The following PKHD1 variants were observed in gnomAD, a reference collection of about 807,000 sequenced individuals.
PKHD1 encodes PKHD1 ciliary IPT domain containing fibrocystin/polyductin.
A neutral mutation model predicts 412.0 loss-of-function variants in PKHD1; 291 were observed. The ratio of observed to expected loss-of-function variants is 0.71; its 90% CI spans 0.64 to 0.78. PKHD1 has a LOEUF of 0.78. PKHD1 is among the 30% of genes least tolerant of loss of function. The pLI is 0.00. For missense variants in PKHD1, 4,825 were observed against 4,950.7 expected (o/e 0.97, Z 0.76); for synonymous variants, 1,777 against 1,821.5 (o/e 0.98, Z 0.62).
At chr6:51,686,940 C>G (rs1777521332) in intron 60 of PKHD1, among the ~76,000 whole-genome samples, 1 of 152,146 alleles carries the variant, frequency 6.6e-6, no homozygotes, top group African/African-American at 2.4e-5. Context: ...TTTCATATGT[C>G]TTTCAGAGGC....
At chr6:52,064,069 G>A (rs1240327163) in intron 13 of PKHD1, among the ~76,000 whole-genome samples, 2 of 152,222 alleles carry the variant, frequency 1.3e-5, no homozygotes, top group Non-Finnish European at 2.9e-5. Context: ...CTGGGAGCTG[G>A]AGAATTCTCA....
chr6:51,837,447 C>T (rs1278708417), intron 50 of PKHD1, among the ~76,000 whole-genome samples: 2 of 152,196 alleles, frequency 1.3e-5, no homozygotes, highest in African/African-American at 4.8e-5. Context: ...TGGCTCATGC[C>T]TGTAATCCCA....
At position 52,043,646 on chromosome 6, in the gene PKHD1, G is replaced by C. The variant is rs1805292033; in HGVS notation, c.2800C>G (p.His934Asp). Residue 934 changes from histidine (H) to aspartate (D), a missense_variant, in exon 26 of 67, where the codon CAT becomes GAT. Physicochemically the swap from His to Asp is moderately conservative, Grantham distance 81 (BLOSUM62 -1). Transcript: ENST00000371117. ...QYLQGSTPCVHSVWYSIDGDI... is the reference protein window; with the variant it reads ...QYLQGSTPCVDSVWYSIDGDI... ...ATACCAATGGAGTACCACACAGAAT[G>C]GACACAGGGAGTTGACCCTTGGAGG... 2 of 1,611,352 alleles carry C rather than the reference G, an allele frequency of 1.2e-6. No individual in the cohort carries two copies. Among genetic ancestry groups the C allele is most frequent in the Non-Finnish European group, 1.7e-6 (2 of 1,177,644 alleles).
chr6:51,912,379 T>C lies in PKHD1; in HGVS notation c.6319A>G (p.Lys2107Glu). The change falls in exon 38 of 67, where the codon AAG (lysine) becomes GAG (glutamate). Residue 2107 changes from lysine (K) to glutamate (E), a missense_variant. Lys to Glu is a moderately conservative substitution (Grantham distance 56). Transcript: ENST00000371117. ...GACACTCAGTACCTCAAAGGTGACT[T>C]AAGATAGAGGTCTGTATCCTGCACA... ...ETVQDTDLYLKSPLRYSHNFT... is the reference protein window; with the variant it reads ...ETVQDTDLYLESPLRYSHNFT... 1 of 1,609,830 alleles carries C rather than the reference T, an allele frequency of 6.2e-7. No homozygotes were observed. The highest frequency in any genetic ancestry group is 8.5e-7 in the Non-Finnish European group (1 of 1,176,298).
At chr6:51,672,939 T>C (rs746410154) in intron 60 of PKHD1, among the ~76,000 whole-genome samples, 1 of 152,196 alleles carries the variant, frequency 6.6e-6, no homozygotes, top group Non-Finnish European at 1.5e-5. Flanking sequence ...CAGTGAGTAG[T>C]AAGGTACTGT....
Position 52,025,194 on chromosome 6 carries a change from T to G in PKHD1, c.4616A>C (p.Gln1539Pro). 1.2e-6 allele frequency: 2 copies of G among 1,614,204 alleles called. No individual in the cohort carries two copies. Among genetic ancestry groups the G allele is most frequent in the Non-Finnish European group, 1.7e-6 (2 of 1,180,036 alleles). The change falls in exon 32 of 67, where the codon CAG becomes CCG. Residue 1539 changes from glutamine to proline, a missense_variant. Transcript: ENST00000371117. ...GGGTCCTGGGGCCAAGTCTCTTGTC[T>G]GGCACACAACGTGGCTTGCATTAAA... ...TFFNASHVVC[Q>P]TRDLAPGPHY...
At chr6:51,700,578 C>T (rs1201504487) in intron 60 of PKHD1, among the ~76,000 whole-genome samples, 1 of 152,086 alleles carries the variant, frequency 6.6e-6, no homozygotes, top group Non-Finnish European at 1.5e-5. Flanking sequence ...AATCTCTCCC[C>T]AGCTCAGACT....
In PKHD1 at chr6:51,747,849, G is replaced by T; in HGVS notation, c.9767C>A (p.Pro3256His). ...PVFTSEPNQW[P>H]QEPWHKVRND... Reference sequence around the variant, plus strand: ...CCTCACTTTGTGCCATGGCTCCTGAGGCCACTGATTTGGTTCTGAGGTGAA... The same window carrying T: ...CCTCACTTTGTGCCATGGCTCCTGATGCCACTGATTTGGTTCTGAGGTGAA... The change falls in exon 58 of 67, where the codon CCT (proline) becomes CAT (histidine). Residue 3256 changes from proline to histidine, a missense_variant. Transcript: ENST00000371117. 6.2e-7 allele frequency: 1 copy of T among 1,613,758 alleles called. No homozygotes were observed. Among genetic ancestry groups the T allele is most frequent in the Non-Finnish European group, 8.5e-7 (1 of 1,179,784 alleles).
At chr6:52,076,826 G>T (rs1811393358) in intron 5 of PKHD1, among the ~76,000 whole-genome samples, 2 of 152,164 alleles carry the variant, frequency 1.3e-5, no homozygotes, top group African/African-American at 4.8e-5. Flanking sequence ...GTATCAGTAA[G>T]CTACAAAAAA....
chr6:51,817,904 G>C (rs1414348875), intron 52 of PKHD1, among the ~76,000 whole-genome samples: 1 of 152,122 alleles, frequency 6.6e-6, no homozygotes, highest in Non-Finnish European at 1.5e-5. Context: ...TCCGTGCGTG[G>C]GCTATACAGA....
chr6:51,883,144 A>T lies in PKHD1; in HGVS notation c.7299T>A (p.Asp2433Glu). 1 of 1,612,780 alleles carries T rather than the reference A, an allele frequency of 6.2e-7. No individual in the cohort carries two copies. Among genetic ancestry groups the T allele is most frequent in the Non-Finnish European group, 8.5e-7 (1 of 1,178,806 alleles). ...RDFGIDVLES[D>E]ANTSVTDSLL... is the part of the protein sequence containing the mutation. ...AGCTGTCAGTAACTGAAGTATTTGC[A>T]TCACTTTCCAAGACGTCAATTCCAA... The change falls in exon 46 of 67, where the codon GAT becomes GAA. Residue 2433 changes from aspartate to glutamate, a missense_variant. Asp to Glu is a conservative substitution (Grantham distance 45). Coordinates refer to ENST00000371117, the MANE Select transcript of PKHD1 (RefSeq NM_138694.4).
At chr6:51,941,268 A>T (rs1788496994) in intron 36 of PKHD1, among the ~76,000 whole-genome samples, 3 of 40,952 alleles carry the variant, frequency 7.3e-5, no homozygotes, top group South Asian at 7.8e-4. Context: ...TTTTTTTTTG[A>T]GACGGAGTCT....
At chr6:51,974,471 T>C (rs557377525) in intron 35 of PKHD1, among the ~76,000 whole-genome samples, 1 of 152,330 alleles carries the variant, frequency 6.6e-6, no homozygotes, top group Admixed American at 6.5e-5. Context: ...AAGCTTGTCC[T>C]GTTCCCTAAG....
chr6:52,076,518 A>G (rs767331101), intron 5 of PKHD1, among the ~76,000 whole-genome samples, 185 bp from the exon 6 acceptor site: 2 of 152,194 alleles, frequency 1.3e-5, no homozygotes, highest in Non-Finnish European at 2.9e-5. Context: ...AATGATAGAT[A>G]TTATCATATT....
intron 60 of PKHD1, chr6:51,682,128 A>G (rs1031027860): frequency 6.9e-6 from 3 of 437,296 alleles, no homozygotes; most frequent in African/African-American, 2.0e-5. Flanking sequence ...ACTCTGATGG[A>G]TGCAGCATCT....
At chr6:51,890,659 C>T (rs1778964446) in intron 43 of PKHD1, among the ~76,000 whole-genome samples, 1 of 152,146 alleles carries the variant, frequency 6.6e-6, no homozygotes, top group South Asian at 2.1e-4. Flanking sequence ...TCTTTTCACA[C>T]CCCAAATCCA....
intron 63 of PKHD1, among the ~76,000 whole-genome samples, chr6:51,645,850 A>G (rs1770021073): frequency 6.6e-6 from 1 of 152,170 alleles, no homozygotes; most frequent in Non-Finnish European, 1.5e-5. Context: ...GTCAAGATAA[A>G]CCCATTGGCT....
intron 15 of PKHD1, among the ~76,000 whole-genome samples, chr6:52,059,098 G>T (rs1808262795): frequency 6.6e-6 from 1 of 152,066 alleles, no homozygotes; most frequent in Non-Finnish European, 1.5e-5. Flanking sequence ...CTTCAATGTT[G>T]TTGAGGAATT....
chr6:51,917,431 A>G (rs149422447), intron 37 of PKHD1, among the ~76,000 whole-genome samples: 138 of 152,234 alleles, frequency 9.1e-4, no homozygotes, highest in African/African-American at 3.2e-3. Flanking sequence ...CACAAAGAAC[A>G]GAGTCCCTTT....
Sources: allele counts gnomAD v4.1 joint callset (sites outside exome capture counted in the v4.1 genomes callset), GRCh38; gene constraint gnomAD v4.1.1; transcripts MANE v1.5; gene names NCBI Gene and HGNC (gene_info 2026-07-23, HGNC 2026-07-21).